Variants in NRXN1 observed in about 807,000 individuals in gnomAD.
NRXN1 encodes neurexin 1, also known as neurexin-1.
Under a neutral mutation model 150.9 loss-of-function variants are expected in NRXN1, and 39 were observed. The ratio of observed to expected loss-of-function variants is 0.26; its 90% CI spans 0.20 to 0.34. NRXN1 has a LOEUF of 0.34. Ranked by LOEUF, NRXN1 falls within the 10% of genes least tolerant of loss-of-function variation. NRXN1 has a pLI of 1.00. For missense variants in NRXN1, 1,815 were observed against 1,949.9 expected (o/e 0.93, Z 1.30); for synonymous variants, 924 against 757.0 (o/e 1.22, Z -3.62).
chr2:50,330,386 G>C (rs1007191162), intron 17 of NRXN1, among the ~76,000 whole-genome samples: 2 of 152,106 alleles, frequency 1.3e-5, no homozygotes, highest in Admixed American at 1.3e-4. Flanking sequence ...GAGTTCGACA[G>C]AAAGAATTTA....
intron 11 of NRXN1, among the ~76,000 whole-genome samples, chr2:50,530,442 A>C (rs528948081): frequency 9.2e-5 from 14 of 152,322 alleles, no homozygotes; most frequent in African/African-American, 3.4e-4. Context: ...TTTGAGTATA[A>C]TTTATAAAAA....
intron 18 of NRXN1, among the ~76,000 whole-genome samples, chr2:50,184,422 A>G (rs1248482123): frequency 6.6e-6 from 1 of 152,034 alleles, no homozygotes; most frequent in African/African-American, 2.4e-5. Context: ...GTCACCTAAC[A>G]TGTAAAAATA....
chr2:50,103,128 T>A (rs1452763), intron 18 of NRXN1, among the ~76,000 whole-genome samples: 127,010 of 151,998 alleles, frequency 0.84, 53,591 homozygotes, highest in African/African-American at 0.94. Flanking sequence ...GAAATGCAAT[T>A]TATAAAAGAC....
intron 17 of NRXN1, among the ~76,000 whole-genome samples, chr2:50,285,888 A>G (rs1005989198): frequency 2.6e-5 from 4 of 152,142 alleles, no homozygotes; most frequent in African/African-American, 9.7e-5. Context: ...ACTTGAAAAA[A>G]TAGCAATGCA....
At chr2:50,204,926 C>G (rs575887155) in intron 18 of NRXN1, among the ~76,000 whole-genome samples, 1 of 152,130 alleles carries the variant, frequency 6.6e-6, no homozygotes, top group African/African-American at 2.4e-5. Context: ...ACTAAAGCCA[C>G]TAATCTCTAT....
chr2:50,609,028 C>A (rs999272121), intron 8 of NRXN1, among the ~76,000 whole-genome samples: 1 of 152,022 alleles, frequency 6.6e-6, no homozygotes, highest in Admixed American at 6.6e-5. Context: ...TTTAGGATAG[C>A]AAAATGGAAA....
chr2:50,320,283 C>CTTATATATATACATATAT (rs1178411507), intron 17 of NRXN1, among the ~76,000 whole-genome samples: 1 of 43,038 alleles, frequency 2.3e-5, no homozygotes, highest in African/African-American at 5.9e-5. Flanking sequence ...ATACCTCAAT[C>CTTATATATATACATATAT]ATATATATAT....
At chr2:50,119,361 C>T (rs916616061) in intron 18 of NRXN1, among the ~76,000 whole-genome samples, 1 of 151,976 alleles carries the variant, frequency 6.6e-6, no homozygotes, top group Non-Finnish European at 1.5e-5. Flanking sequence ...ACCTTAGGGT[C>T]TTTTTTATTT....
At chr2:50,379,714 A>C (rs1270736349) in intron 17 of NRXN1, among the ~76,000 whole-genome samples, 1 of 152,176 alleles carries the variant, frequency 6.6e-6, no homozygotes, top group Non-Finnish European at 1.5e-5. Context: ...AAAAAATAGA[A>C]GGGTGTAAAA....
chr2:50,893,320 GGACA>G (rs1681376869), intron 5 of NRXN1, among the ~76,000 whole-genome samples: 1 of 152,034 alleles, frequency 6.6e-6, no homozygotes, highest in South Asian at 2.1e-4. Flanking sequence ...TGCCACAAAA[GGACA>G]GACAATTATT....
At chr2:50,645,554 T>C (rs747859994) in intron 5 of NRXN1, among the ~76,000 whole-genome samples, 2 of 151,930 alleles carry the variant, frequency 1.3e-5, no homozygotes, top group Non-Finnish European at 2.9e-5. Context: ...ATGGTAGTCG[T>C]CATGGTGATT....
intron 17 of NRXN1, among the ~76,000 whole-genome samples, chr2:50,313,129 G>C (rs1053722533): frequency 1.3e-5 from 2 of 152,018 alleles, no homozygotes; most frequent in Non-Finnish European, 2.9e-5. Context: ...TTCTGATGAA[G>C]TCGACTTTGA....
chr2:49,991,885 G>C (rs1592724), intron 21 of NRXN1, among the ~76,000 whole-genome samples: 71,061 of 152,004 alleles, frequency 0.47, 17,252 homozygotes, highest in Middle Eastern at 0.61. Context: ...TATTAATGAA[G>C]GAATAGGCAA....
chr2:50,014,716 A>G (rs1342177670), intron 21 of NRXN1, among the ~76,000 whole-genome samples: 1 of 152,154 alleles, frequency 6.6e-6, no homozygotes, highest in East Asian at 1.9e-4. Flanking sequence ...CACATGGTTA[A>G]TAAACAAATT....
At chr2:50,227,762 T>A (rs1559130464) in intron 18 of NRXN1, among the ~76,000 whole-genome samples, 1 of 151,886 alleles carries the variant, frequency 6.6e-6, no homozygotes, top group East Asian at 1.9e-4. Context: ...ACTAAGGCAA[T>A]AATAGTGGAA....
rs368330617 is a variant in NRXN1, at chr2:50,266,495, T to C, written c.3365-29525A>G. Among the ~76,000 whole-genome samples, 22 of 147,772 alleles carry C rather than the reference T, an allele frequency of 1.5e-4. No individual in the cohort carries two copies. The South Asian group carries it at 4.4e-3, about 30-fold the overall frequency. On this transcript the variant is annotated intron_variant, in intron 17 of 22. Coordinates refer to ENST00000401669, the MANE Select transcript of NRXN1 (RefSeq NM_001330078.2). The stretch of plus-strand genomic sequence containing the variant: ...CTCTATAATATATATAATTTTTATA[T>C]ATTTAGTTACATATAAAATATATTT...
chr2:50,971,803 T>C lies in NRXN1; in HGVS notation c.773-45848A>G, dbSNP rs373606527. 4.6e-5 allele frequency among the ~76,000 whole-genome samples: 7 copies of C among 152,130 alleles called. No homozygotes were observed. In the East Asian group the frequency reaches 9.7e-4, roughly 21 times the overall value. Reference sequence around the variant, plus strand: ...TAAAAATTTTTTTCATTAAAAATTCTTTCTCAACATAATACAAACACAGAT... The same window carrying C: ...TAAAAATTTTTTTCATTAAAAATTCCTTCTCAACATAATACAAACACAGAT... On this transcript the variant is annotated intron_variant, in intron 2 of 22. Transcript: ENST00000401669.
intron 2 of NRXN1, among the ~76,000 whole-genome samples, chr2:50,978,957 G>T (rs1368085351): frequency 6.6e-6 from 1 of 151,996 alleles, no homozygotes; most frequent in Non-Finnish European, 1.5e-5. Context: ...AAACTTCATA[G>T]GATGCTGTAA....
chr2:50,522,876 C>A (rs1021370741), intron 12 of NRXN1, among the ~76,000 whole-genome samples: 1 of 147,958 alleles, frequency 6.8e-6, no homozygotes, highest in African/African-American at 2.5e-5. Context: ...GGATTATAGG[C>A]ACCTGCCACT....
Sources: allele counts gnomAD v4.1 joint callset (sites outside exome capture counted in the v4.1 genomes callset), GRCh38; gene constraint gnomAD v4.1.1; transcripts MANE v1.5; gene names NCBI Gene and HGNC (gene_info 2026-07-23, HGNC 2026-07-21).